ZCCHC17: variants seen among roughly 807,000 people sequenced by gnomAD.
ZCCHC17 encodes zinc finger CCHC domain-containing protein 17.
A neutral mutation model predicts 30.6 loss-of-function variants in ZCCHC17; 18 were observed. The ratio of observed to expected loss-of-function variants is 0.59; its 90% confidence interval spans 0.41 to 0.87. ZCCHC17 has a LOEUF of 0.87. ZCCHC17 is among the 40% of genes least tolerant of loss of function. The pLI is 0.00. For synonymous variants in ZCCHC17, 88 were observed against 92.4 expected (o/e 0.95, Z 0.27); for missense variants, 263 against 284.2 (o/e 0.93, Z 0.54).
At chr1:31,342,487 TA>T (rs1176645500) in intron 5 of ZCCHC17, among the ~76,000 whole-genome samples, 2 of 152,272 alleles carry the variant, frequency 1.3e-5, no homozygotes, top group African/African-American at 4.8e-5. Flanking sequence ...TTTCCATGGA[TA>T]GGGGGCTGGA....
At chr1:31,327,283 A>G (rs1638392398) in intron 3 of ZCCHC17, among the ~76,000 whole-genome samples, 1 of 152,152 alleles carries the variant, frequency 6.6e-6, no homozygotes, top group South Asian at 2.1e-4. Flanking sequence ...AATTTCCCCC[A>G]TTTCAGATGC....
intron 6 of ZCCHC17, among the ~76,000 whole-genome samples, chr1:31,348,234 C>G (rs1639346118): frequency 1.3e-5 from 2 of 152,182 alleles, no homozygotes; most frequent in Non-Finnish European, 2.9e-5. Flanking sequence ...GTCTATATGA[C>G]CTTGAGCTAC....
intron 2 of ZCCHC17, among the ~76,000 whole-genome samples, chr1:31,316,273 T>C (rs1051375429): frequency 6.6e-6 from 1 of 152,120 alleles, no homozygotes; most frequent in Non-Finnish European, 1.5e-5. Context: ...AGCTAAATTT[T>C]GTATTTTTAG....
intron 3 of ZCCHC17, among the ~76,000 whole-genome samples, chr1:31,328,238 G>T (rs1305011745): frequency 6.6e-6 from 1 of 152,136 alleles, no homozygotes; most frequent in Non-Finnish European, 1.5e-5. Context: ...TCACAGCCAG[G>T]CATGGTGGCT....
intron 7 of ZCCHC17, among the ~76,000 whole-genome samples, chr1:31,356,824 T>G (rs773169265): frequency 9.2e-5 from 14 of 152,250 alleles, no homozygotes; most frequent in Non-Finnish European, 1.5e-4. Context: ...TCCCAGTGAC[T>G]GAATGTTATA....
In ZCCHC17 at chr1:31,317,024, C is replaced by CTT. The variant is rs1196920105; in HGVS notation, c.67-2068_67-2067dup. ...CGAGGTTCTATCCCTAACTTTTTTT[C>CTT]TTTTTTTTTTTTTTTTTTGAGATGA... On this transcript the variant is annotated intron_variant, in intron 2 of 7. Coordinates refer to ENST00000344147, the MANE Select transcript of ZCCHC17 (RefSeq NM_016505.4). Among the ~76,000 whole-genome samples the CTT allele has an allele frequency of 2.5e-3, 312 of 126,542 alleles. 4 individuals carry two copies. Among genetic ancestry groups the CTT allele is most frequent in the African/African-American group, 5.7e-3 (190 of 33,212 alleles). 83.0% of individuals were successfully genotyped at this position (126,542 alleles called of 152,430 possible).
At chr1:31,309,232 G>C (rs994271363) in intron 1 of ZCCHC17, among the ~76,000 whole-genome samples, 3 of 152,282 alleles carry the variant, frequency 2.0e-5, no homozygotes, top group Middle Eastern at 6.8e-3. Context: ...TTTTTGACAT[G>C]CTTAGTAATT....
intron 1 of ZCCHC17, among the ~76,000 whole-genome samples, chr1:31,299,136 G>GA (rs1474162264): frequency 6.6e-6 from 1 of 152,182 alleles, no homozygotes; most frequent in Admixed American, 6.5e-5. Context: ...TGTAGGTAGT[G>GA]AACCTACACA....
intron 1 of ZCCHC17, among the ~76,000 whole-genome samples, chr1:31,307,303 G>A (rs1646486743): frequency 6.6e-6 from 1 of 152,072 alleles, no homozygotes; most frequent in African/African-American, 2.4e-5. Context: ...GGTTTCTTAG[G>A]CCACTGTTCT....
At chr1:31,307,234 C>T (rs12123798) in intron 1 of ZCCHC17, among the ~76,000 whole-genome samples, 21,707 of 151,472 alleles carry the variant, frequency 0.14, 1,705 homozygotes, top group African/African-American at 0.17. Flanking sequence ...TAGCTTCCCA[C>T]GATTACAGTC....
At chr1:31,305,571 G>C (rs965033464) in intron 1 of ZCCHC17, among the ~76,000 whole-genome samples, 2 of 152,082 alleles carry the variant, frequency 1.3e-5, no homozygotes, top group African/African-American at 4.8e-5. Flanking sequence ...ATACAGGCGT[G>C]AGCCACCATG....
In ZCCHC17 at chr1:31,337,206, T is replaced by G; in HGVS notation, c.156T>G (p.Cys52Trp). ...TCCATCGAACTCATATGTCATCCTG[T>G]CGGGTGGATAAGCCCTCTGAGATAG... ...GLVHRTHMSSCRVDKPSEIVD... is the reference protein window; with the variant it reads ...GLVHRTHMSSWRVDKPSEIVD... Residue 52 changes from cysteine (C) to tryptophan (W), a missense_variant, in exon 4 of 8, where the codon TGT (cysteine) becomes TGG (tryptophan). Physicochemically the swap from Cys to Trp is radical, Grantham distance 215 (BLOSUM62 -2). Coordinates refer to ENST00000344147, the MANE Select transcript of ZCCHC17 (RefSeq NM_016505.4). 1 of 1,614,124 alleles carries G rather than the reference T, an allele frequency of 6.2e-7. No individual in the cohort carries two copies. Among genetic ancestry groups the G allele is most frequent in the Non-Finnish European group, 8.5e-7 (1 of 1,180,036 alleles).
At position 31,337,155 on chromosome 1, in the gene ZCCHC17, TTTC is replaced by T. The variant is rs1358539040; in HGVS notation, c.125-11_125-9del. The T allele has an allele frequency of 8.1e-6, 13 of 1,607,422 alleles. No individual in the cohort carries two copies. Among genetic ancestry groups the T allele is most frequent in the Non-Finnish European group, 1.0e-5 (12 of 1,174,316 alleles). On this transcript the variant is annotated splice_polypyrimidine_tract_variant and intron_variant, in intron 3 of 7. Coordinates refer to ENST00000344147, the MANE Select transcript of ZCCHC17 (RefSeq NM_016505.4). Reference sequence around the variant, plus strand: ...CAGATATGCCCTCTGCTTTACGTTATTTCTTCTTCTTGTGCCCAGGTCTGGTCC... The same window carrying T: ...CAGATATGCCCTCTGCTTTACGTTATTTCTTCTTGTGCCCAGGTCTGGTCC...
At chr1:31,326,277 T>C (rs530623028) in intron 3 of ZCCHC17, among the ~76,000 whole-genome samples, 1 of 152,228 alleles carries the variant, frequency 6.6e-6, no homozygotes, top group South Asian at 2.1e-4. Context: ...AAATTTTTTT[T>C]AAGTTTTTTC....
At chr1:31,360,730 A>G (rs370948156) in intron 7 of ZCCHC17, among the ~76,000 whole-genome samples, 95 of 152,316 alleles carry the variant, frequency 6.2e-4, no homozygotes, top group South Asian at 1.5e-3. Flanking sequence ...GAGAGAGAAC[A>G]AAGTGGAAAT....
In ZCCHC17 at chr1:31,318,294, A is replaced by G. The variant is rs180938077; in HGVS notation, c.67-815A>G. 54 of 1,415,394 alleles carry G rather than the reference A, an allele frequency of 3.8e-5. No homozygotes were observed. The African/African-American group carries it at 6.7e-4, about 17-fold the overall frequency. The allele number at this position is 1,415,394 out of a possible 1,614,324, so 87.7% of individuals were successfully genotyped here. A position where few individuals can be genotyped will look rare whatever the true frequency, so the allele number is the denominator to read the frequency against. On this transcript the variant is annotated intron_variant, in intron 2 of 7. Transcript: ENST00000344147. ...AATCATTTAGTGTTAAATTCAGCAT[A>G]TAGTGACAACATTACCCTCGATCCA... is the stretch of plus-strand genomic sequence containing the variant.
At chr1:31,341,972 AGT>A (rs1639064063) in intron 5 of ZCCHC17, among the ~76,000 whole-genome samples, 1 of 152,226 alleles carries the variant, frequency 6.6e-6, no homozygotes. Flanking sequence ...CTTTTGAAAG[AGT>A]GTGTGTGTAA....
chr1:31,348,022 A>G (rs914434550), intron 6 of ZCCHC17, among the ~76,000 whole-genome samples: 35 of 149,704 alleles, frequency 2.3e-4, no homozygotes, highest in Non-Finnish European at 4.0e-4. Flanking sequence ...AGGGCCCCTC[A>G]GTACCACTAT....
At chr1:31,326,671 G>A (rs1638358349) in intron 3 of ZCCHC17, among the ~76,000 whole-genome samples, 1 of 152,154 alleles carries the variant, frequency 6.6e-6, no homozygotes, top group Admixed American at 6.6e-5. Context: ...ACCCTGTCAG[G>A]TGATGCCTCT....
Sources: gnomAD v4.1 joint callset for allele counts (sites outside exome capture counted in the v4.1 genomes callset) on GRCh38, gnomAD v4.1.1 for gene constraint, MANE v1.5 for transcripts, NCBI Gene and HGNC (gene_info 2026-07-23, HGNC 2026-07-21) for gene names.